AFF1: variants seen among roughly 807,000 people sequenced by gnomAD.
AFF1 encodes the protein ALF transcription elongation factor 1, also known as AF4/FMR2 family member 1.
AFF1 carries 48 observed loss-of-function variants against 121.7 expected under a neutral mutation model. That is an observed-to-expected ratio of 0.39 (90% CI 0.31 to 0.50). AFF1 has a LOEUF of 0.50. AFF1 is among the 20% of genes least tolerant of loss of function. The pLI is 0.76. For synonymous variants in AFF1, 613 were observed against 563.0 expected, an observed-to-expected ratio of 1.09 and a Z score of -1.26; for missense variants, 1,523 against 1,511.7, an observed-to-expected ratio of 1.01 and a Z score of -0.12.
rs1244939051 is a variant in AFF1, at chr4:87,047,696, T to C, written c.1059+102T>C. 4 of 1,480,438 alleles carry C rather than the reference T, an allele frequency of 2.7e-6. No individual in the cohort carries two copies. In the African/African-American group the frequency reaches 5.5e-5, roughly 20 times the overall value. The allele number at this position is 1,480,438 out of a possible 1,614,324, so 91.7% of individuals were successfully genotyped here. On this transcript the variant is annotated intron_variant, in intron 4 of 20. Transcript: ENST00000395146. Reference sequence around the variant, plus strand: ...CAAGGTGGGGAGGTTAGTCCATGGCTTTTGGGTAGGGGGAATTCTTTTTGG... The same window carrying C: ...CAAGGTGGGGAGGTTAGTCCATGGCCTTTGGGTAGGGGGAATTCTTTTTGG...
At chr4:87,071,933 C>T (rs1486136326) in intron 4 of AFF1, among the ~76,000 whole-genome samples, 1 of 152,060 alleles carries the variant, frequency 6.6e-6, no homozygotes, top group Non-Finnish European at 1.5e-5. Context: ...AGTTTCGGGT[C>T]AGGAGCTCTG....
At chr4:87,096,954 C>T (rs1578242486) in intron 8 of AFF1, among the ~76,000 whole-genome samples, 1 of 152,122 alleles carries the variant, frequency 6.6e-6, no homozygotes, top group African/African-American at 2.4e-5. Context: ...AGACTGTAGA[C>T]TCACTGACAT....
At chr4:87,025,507 A>C (rs1369191554) in intron 2 of AFF1, among the ~76,000 whole-genome samples, 1 of 152,188 alleles carries the variant, frequency 6.6e-6, no homozygotes, top group African/African-American at 2.4e-5. Flanking sequence ...GGTGGCTGCT[A>C]TCCCAGTAGA....
intron 2 of AFF1, among the ~76,000 whole-genome samples, chr4:87,001,249 G>A (rs1421521359): frequency 2.6e-5 from 3 of 113,410 alleles, no homozygotes; most frequent in African/African-American, 6.7e-5. Flanking sequence ...ACGGCGTCTC[G>A]CTCTGTCACC....
Position 86,947,819 on chromosome 4 carries a change from G to GTTTT in AFF1, c.-36-672_-36-669dup, listed in dbSNP as rs71831049. Reference sequence around the variant, plus strand: ...AGTTGTTTTATTTCGGTTTTTGTTTGTTTTTTTTTTGTTTTGATTAAGTAC... The same window carrying GTTTT: ...AGTTGTTTTATTTCGGTTTTTGTTTGTTTTTTTTTTTTTTGTTTTGATTAAGTAC... On this transcript the variant is annotated intron_variant, in intron 1 of 20. Transcript: ENST00000395146. Among the ~76,000 whole-genome samples the GTTTT allele has an allele frequency of 6.0e-4, 89 of 148,656 alleles. No individual in the cohort carries two copies. The East Asian group carries it at 0.011, about 18-fold the overall frequency.
chr4:86,936,339 A>T (rs547143386), intron 1 of AFF1: 3 of 152,350 alleles, frequency 2.0e-5, no homozygotes, highest in South Asian at 2.1e-4. Flanking sequence ...TAAGGCGAAG[A>T]CCCAGTGTTC....
intron 2 of AFF1, among the ~76,000 whole-genome samples, chr4:87,031,057 T>C (rs914576892): frequency 6.6e-6 from 1 of 152,166 alleles, no homozygotes; most frequent in African/African-American, 2.4e-5. Flanking sequence ...CAGGCCGTTG[T>C]CTGGGGTGGG....
In AFF1 at chr4:87,138,029, T is replaced by G. The variant is rs1286727766; in HGVS notation, c.*2328T>G. The G allele has an allele frequency of 2.3e-4, 21 of 92,828 alleles. No homozygotes were observed. The highest frequency in any genetic ancestry group is 1.1e-3 in the East Asian group (8 of 7,546). The allele number at this position is 92,828 out of a possible 1,614,324, so 5.8% of individuals were successfully genotyped here. On this transcript the variant is annotated 3_prime_UTR_variant, in exon 21 of 21. Coordinates refer to ENST00000395146, the MANE Select transcript of AFF1 (RefSeq NM_001166693.3). Reference sequence around the variant, plus strand: ...TTTCAGTGGCCTTACTCTTTGTGGGTTTTTTTTTTTTTCTCTGAACTTGAT... The same window carrying G: ...TTTCAGTGGCCTTACTCTTTGTGGGGTTTTTTTTTTTTCTCTGAACTTGAT...
chr4:86,959,851 C>T (rs896850665), intron 2 of AFF1, among the ~76,000 whole-genome samples: 5 of 152,054 alleles, frequency 3.3e-5, no homozygotes, highest in South Asian at 2.1e-4. Context: ...TTTTCTTGAG[C>T]GATGTCTTAA....
intron 4 of AFF1, among the ~76,000 whole-genome samples, chr4:87,060,906 C>G (rs1390425029): frequency 6.7e-6 from 1 of 150,350 alleles, no homozygotes; most frequent in Admixed American, 6.7e-5. Flanking sequence ...ATTATTGACC[C>G]TGAAATTGCC....
chr4:87,061,625 C>T (rs879519249), intron 4 of AFF1, among the ~76,000 whole-genome samples: 3 of 152,286 alleles, frequency 2.0e-5, no homozygotes, highest in South Asian at 4.1e-4. Context: ...AGTCTTACAG[C>T]GCAATCCTGT....
At chr4:86,949,470 G>A (rs1411825023) in intron 2 of AFF1, among the ~76,000 whole-genome samples, 1 of 149,442 alleles carries the variant, frequency 6.7e-6, no homozygotes, top group East Asian at 1.9e-4. Context: ...TAACATTCTA[G>A]CAATTGCAGA....
At chr4:87,042,518 C>A (rs1444159212) in intron 2 of AFF1, among the ~76,000 whole-genome samples, 1 of 152,186 alleles carries the variant, frequency 6.6e-6, no homozygotes, top group Non-Finnish European at 1.5e-5. Flanking sequence ...TTTCACAAAG[C>A]CTGGACCTCA....
chr4:86,967,397 A>C (rs999780128), intron 2 of AFF1, among the ~76,000 whole-genome samples: 1 of 152,202 alleles, frequency 6.6e-6, no homozygotes, highest in African/African-American at 2.4e-5. Flanking sequence ...AGCAGAGAGC[A>C]CCAGGTCAGG....
chr4:87,132,850 T>C (rs1038320885), intron 19 of AFF1, among the ~76,000 whole-genome samples: 6 of 152,170 alleles, frequency 3.9e-5, no homozygotes, highest in Non-Finnish European at 7.3e-5. Flanking sequence ...GCCACCACCA[T>C]GCCCAGCTAA....
At chr4:87,044,988 G>A (rs533632479) in intron 2 of AFF1, among the ~76,000 whole-genome samples, 16 of 152,306 alleles carry the variant, frequency 1.1e-4, no homozygotes, top group African/African-American at 3.8e-4. Context: ...AATATGGATT[G>A]TGACATGAGA....
At position 87,114,814 on chromosome 4, in the gene AFF1, G is replaced by A. The variant is rs771980948; in HGVS notation, c.1981G>A (p.Ala661Thr). The A allele has an allele frequency of 9.9e-6, 16 of 1,613,536 alleles. No individual in the cohort carries two copies. Among genetic ancestry groups the A allele is most frequent in the South Asian group, 4.4e-5 (4 of 91,044 alleles). The change falls in exon 12 of 21, where the codon GCA (alanine) becomes ACA (threonine). Residue 661 changes from alanine to threonine, a missense_variant. Ala to Thr is a moderately conservative substitution (Grantham distance 58). This residue lies in a region of AFF1 where 905 missense variants were observed against 842.5 expected (regional missense o/e 1.07). Transcript: ENST00000395146. ...GAAGACGAAAGGACGGCCCCGGGCC[G>A]CAGCAAGCAACGAACCCAAGCCAGC... ...KVKTKGRPRA[A>T]ASNEPKPAVP... is the part of the protein sequence containing the mutation.
At chr4:87,052,585 A>G (rs1731382691) in intron 4 of AFF1, among the ~76,000 whole-genome samples, 1 of 151,982 alleles carries the variant, frequency 6.6e-6, no homozygotes, top group African/African-American at 2.4e-5. Context: ...TTGTGATTGA[A>G]ACCATTGGAT....
At chr4:87,077,094 A>G (rs1479537801) in intron 4 of AFF1, among the ~76,000 whole-genome samples, 1 of 152,234 alleles carries the variant, frequency 6.6e-6, no homozygotes, top group Non-Finnish European at 1.5e-5. Context: ...GATTATGTTC[A>G]TTTCAAATGT....
Sources: gnomAD v4.1 joint callset for allele counts (sites outside exome capture counted in the v4.1 genomes callset) on GRCh38, gnomAD v4.1.1 for gene constraint, gnomAD v4.1.1 regional missense constraint, MANE v1.5 for transcripts, NCBI Gene and HGNC (gene_info 2026-07-23, HGNC 2026-07-21) for gene names.